Variants in UNC5B observed in about 807,000 individuals in gnomAD.
UNC5B encodes netrin receptor UNC5B.
UNC5B carries 56 observed loss-of-function variants against 103.7 expected under a neutral mutation model. That is an observed-to-expected ratio of 0.54 (90% CI 0.44 to 0.67). The LOEUF (loss-of-function observed/expected upper bound fraction) is 0.67. Among genes scored for constraint, UNC5B ranks in the 30% least tolerant of loss-of-function variants. The pLI is 0.00. For synonymous variants in UNC5B, 577 were observed against 542.0 expected (o/e 1.06, Z -0.90); for missense variants, 1,194 against 1,284.5 (o/e 0.93, Z 1.08).
intron 1 of UNC5B, among the ~76,000 whole-genome samples, chr10:71,252,008 C>CA (rs1467534368): frequency 6.6e-6 from 1 of 152,004 alleles, no homozygotes; most frequent in African/African-American, 2.4e-5. Context: ...CCTCCTCCAA[C>CA]AAAAAAGTGA....
rs144371231 is a variant in UNC5B at position 71,213,728 on chromosome 10, A to AGAGAGTGTGTGTGTGT, written c.79+665_79+666insAGAGTGTGTGTGTGTG. 2.7e-4 allele frequency among the ~76,000 whole-genome samples: 35 copies of AGAGAGTGTGTGTGTGT among 131,470 alleles called. No individual in the cohort carries two copies. Among genetic ancestry groups the AGAGAGTGTGTGTGTGT allele is most frequent in the African/African-American group, 9.3e-4 (32 of 34,256 alleles). 86.2% of individuals were successfully genotyped at this position (131,470 alleles called of 152,430 possible). A position where few individuals can be genotyped will look rare whatever the true frequency, so the allele number is the denominator to read the frequency against. Reference sequence around the variant, plus strand: ...ATTATTAATTTTCTGAGTGTTGGAGAGTGTGTGTGTGTGTGTGTGTGTGTG... The same window carrying AGAGAGTGTGTGTGTGT: ...ATTATTAATTTTCTGAGTGTTGGAGAGAGAGTGTGTGTGTGTGTGTGTGTGTGTGTGTGTGTGTGTG... On this transcript the variant is annotated intron_variant, in intron 1 of 16. Coordinates refer to ENST00000335350, the MANE Select transcript of UNC5B (RefSeq NM_170744.5). This position sits in a 1 kb window ranked among gnomAD's most constrained non-coding sequence, Gnocchi z 4.1.
chr10:71,247,944 A>C (rs1300854648), intron 1 of UNC5B, among the ~76,000 whole-genome samples: 3 of 152,146 alleles, frequency 2.0e-5, no homozygotes, highest in Admixed American at 1.3e-4. Flanking sequence ...GGAATGCCGC[A>C]TCTGCCTTTG....
At chr10:71,241,412 C>A (rs921326042) in intron 1 of UNC5B, among the ~76,000 whole-genome samples, 2 of 152,190 alleles carry the variant, frequency 1.3e-5, no homozygotes, top group Non-Finnish European at 2.9e-5. Flanking sequence ...TGCCCCATAT[C>A]CCCACTGCCG....
intron 1 of UNC5B, among the ~76,000 whole-genome samples, chr10:71,261,226 G>A (rs1444433273): frequency 6.6e-6 from 1 of 152,226 alleles, no homozygotes; most frequent in Admixed American, 6.5e-5. Context: ...AGGGTGAATA[G>A]GGATTAATGA....
intron 4 of UNC5B, 51 bp downstream of exon 4, chr10:71,285,480 A>G (rs1845051902): frequency 6.2e-6 from 9 of 1,459,386 alleles, no homozygotes; most frequent in Non-Finnish European, 8.3e-6. Context: ...CCATGCCTGC[A>G]GAAGCCAGGC....
chr10:71,294,501 C>T (rs555097061), intron 13 of UNC5B, among the ~76,000 whole-genome samples: 4 of 152,106 alleles, frequency 2.6e-5, no homozygotes, highest in African/African-American at 9.6e-5. Context: ...TGTGGCTATA[C>T]TTGGGTGGGT....
At chr10:71,265,520 A>G (rs932895972) in intron 1 of UNC5B, among the ~76,000 whole-genome samples, 3 of 152,214 alleles carry the variant, frequency 2.0e-5, no homozygotes, top group African/African-American at 2.4e-5. Flanking sequence ...CAGGGAAACC[A>G]GCTCTGAGAA....
intron 1 of UNC5B, among the ~76,000 whole-genome samples, chr10:71,223,573 AG>A (rs1265776186): frequency 1.3e-5 from 2 of 152,168 alleles, no homozygotes; most frequent in Non-Finnish European, 2.9e-5. Flanking sequence ...GGAGCCACAG[AG>A]AATTAACCAA....
chr10:71,282,422 C>G (rs76095621), intron 2 of UNC5B, among the ~76,000 whole-genome samples: 3 of 152,334 alleles, frequency 2.0e-5, no homozygotes, highest in African/African-American at 7.2e-5. Context: ...CCCTGCATCT[C>G]TGCTTGCTGG....
At chr10:71,251,145 A>G (rs1844163434) in intron 1 of UNC5B, among the ~76,000 whole-genome samples, 1 of 152,142 alleles carries the variant, frequency 6.6e-6, no homozygotes, top group Admixed American at 6.6e-5. Context: ...GGAAACTAGG[A>G]CTCAGAGTGG....
In UNC5B at chr10:71,285,350, A is replaced by AGCCTCTGGGCAAGGAGGT; in HGVS notation, c.477_494dup (p.Gly161_Leu166dup). The AGCCTCTGGGCAAGGAGGT allele has an allele frequency of 1.9e-6, 3 of 1,611,428 alleles. No individual in the cohort carries two copies. Among genetic ancestry groups the AGCCTCTGGGCAAGGAGGT allele is most frequent in the Non-Finnish European group, 2.5e-6 (3 of 1,179,154 alleles). On this transcript the variant is annotated inframe_insertion, in exon 4 of 17. Coordinates refer to ENST00000335350, the MANE Select transcript of UNC5B (RefSeq NM_170744.5). ...GACCTGCGCAAGAACTTCGATCAGG[A>AGCCTCTGGGCAAGGAGGT]GCCTCTGGGCAAGGAGGTGCCCCTG...
At chr10:71,276,389 G>A (rs1216110603) in intron 1 of UNC5B, among the ~76,000 whole-genome samples, 2 of 152,142 alleles carry the variant, frequency 1.3e-5, no homozygotes, top group African/African-American at 4.8e-5. Context: ...CACCTTTCAA[G>A]CCTTCCTCAG....
In UNC5B at chr10:71,213,188, T is replaced by C; in HGVS notation, c.79+124T>C. ...GGAAAAGCGGCAAGGGCGCCCAAGT[T>C]AGAATGTAGATTTTACTGCCTCCCA... On this transcript the variant is annotated intron_variant, in intron 1 of 16. Transcript: ENST00000335350. The surrounding 1 kb of genome is among the most constrained non-coding windows in gnomAD (Gnocchi z 4.1). 1 of 763,788 alleles carries C rather than the reference T, an allele frequency of 1.3e-6. No homozygotes were observed. Among genetic ancestry groups the C allele is most frequent in the Non-Finnish European group, 1.8e-6 (1 of 558,822 alleles). 47.3% of individuals were successfully genotyped at this position (763,788 alleles called of 1,614,324 possible).
chr10:71,219,871 G>T (rs1315751577), intron 1 of UNC5B, among the ~76,000 whole-genome samples: 1 of 152,230 alleles, frequency 6.6e-6, no homozygotes, highest in Non-Finnish European at 1.5e-5. Context: ...CCTGGGGCAG[G>T]TGATGAGTGC....
At position 71,291,481 on chromosome 10, in the gene UNC5B, C is replaced by T. The variant is rs929816045; in HGVS notation, c.1344C>T (p.Ser448=). Residue 448 remains serine (S), a synonymous_variant, in exon 10 of 17, where the codon AGC becomes AGT. Coordinates refer to ENST00000335350, the MANE Select transcript of UNC5B (RefSeq NM_170744.5). ...HPSVPPDLTA[S]AGIYRGPVYA... ...CTGTGCCTCCTGACCTGACAGCCAG[C>T]GCCGGCATCTACCGCGGACCCGTGT... is the stretch of plus-strand genomic sequence containing the variant. 19 of 1,613,894 alleles carry T rather than the reference C, an allele frequency of 1.2e-5. No individual in the cohort carries two copies. The highest frequency in any genetic ancestry group is 6.6e-5 in the South Asian group (6 of 91,028).
intron 16 of UNC5B, among the ~76,000 whole-genome samples, chr10:71,298,412 G>A (rs1268484684): frequency 6.6e-6 from 1 of 152,148 alleles, no homozygotes; most frequent in Non-Finnish European, 1.5e-5. Flanking sequence ...CATCAGCTTG[G>A]TGCCATCATT....
intron 1 of UNC5B, among the ~76,000 whole-genome samples, chr10:71,241,019 C>G (rs1843886364): frequency 6.6e-6 from 1 of 152,206 alleles, no homozygotes; most frequent in African/African-American, 2.4e-5. Context: ...GTCTGAGAGT[C>G]CATCATCATG....
intron 2 of UNC5B, among the ~76,000 whole-genome samples, chr10:71,284,419 G>C (rs1845009693): frequency 6.6e-6 from 1 of 152,216 alleles, no homozygotes; most frequent in Admixed American, 6.5e-5. Flanking sequence ...AGGCCACTGA[G>C]ACCCCGCATG....
At chr10:71,275,535 A>T (rs1190727284) in intron 1 of UNC5B, among the ~76,000 whole-genome samples, 1 of 152,198 alleles carries the variant, frequency 6.6e-6, no homozygotes, top group Non-Finnish European at 1.5e-5. Flanking sequence ...AGTAGACCTA[A>T]ATGCCCATTT....
Sources: gnomAD v4.1 joint callset for allele counts (sites outside exome capture counted in the v4.1 genomes callset) on GRCh38, gnomAD v4.1.1 for gene constraint, Gnocchi (gnomAD v3.1) non-coding constraint, MANE v1.5 for transcripts, NCBI Gene and HGNC (gene_info 2026-07-23, HGNC 2026-07-21) for gene names.